Variants in CKAP4 observed in about 807,000 individuals in gnomAD.
CKAP4 encodes the protein cytoskeleton-associated protein 4.
CKAP4 carries 20 observed loss-of-function variants against 24.4 expected under a neutral mutation model. The ratio of observed to expected loss-of-function variants is 0.82; its 90% CI spans 0.58 to 1.19. CKAP4 has a LOEUF of 1.19. Among genes scored for constraint, CKAP4 ranks in the 50% most tolerant of loss-of-function variants. CKAP4 has a pLI of 0.00. For missense variants in CKAP4, 744 were observed against 765.3 expected (o/e 0.97, Z 0.33); for synonymous variants, 378 against 351.7 (o/e 1.07, Z -0.84).
At chr12:106,241,129 G>T (rs908055265) in intron 1 of CKAP4, among the ~76,000 whole-genome samples, 1 of 152,086 alleles carries the variant, frequency 6.6e-6, no homozygotes, top group African/African-American at 2.4e-5. Flanking sequence ...AGCCATTTTT[G>T]AAATAATCAA....
At chr12:106,246,122 G>A (rs2034008059) in intron 1 of CKAP4, among the ~76,000 whole-genome samples, 1 of 152,164 alleles carries the variant, frequency 6.6e-6, no homozygotes, top group African/African-American at 2.4e-5. Flanking sequence ...ACCACAGAAG[G>A]GTGGAAGCTA....
Position 106,239,649 on chromosome 12 carries a change from T to C in CKAP4, c.1184A>G (p.His395Arg). 1 of 1,614,010 alleles carries C rather than the reference T, an allele frequency of 6.2e-7. No individual in the cohort carries two copies. Among genetic ancestry groups the C allele is most frequent in the East Asian group, 2.2e-5 (1 of 44,880 alleles). The change falls in exon 2 of 2, where the codon CAC (histidine) becomes CGC (arginine). Residue 395 changes from histidine to arginine, a missense_variant. Transcript: ENST00000378026. This position sits in a 1 kb window ranked among gnomAD's most constrained non-coding sequence, Gnocchi z 4.9. ...CTGGAGTGCCTCAAAGGCTTCCGAG[T>C]GTCTGAAGCCTCCGTCCTCCTTCGG... is the stretch of plus-strand genomic sequence containing the variant. The part of the protein sequence containing the change: ...HGPKEDGGFR[H>R]SEAFEALQQK...
chr12:106,241,459 A>C (rs2033970090), intron 1 of CKAP4, among the ~76,000 whole-genome samples: 1 of 149,660 alleles, frequency 6.7e-6, no homozygotes. Context: ...CAGCCTCCCG[A>C]GTAGCTGGGA....
At position 106,239,336 on chromosome 12, in the gene CKAP4, G is replaced by A. The variant is rs763801528; in HGVS notation, c.1497C>T (p.Thr499=). 10 of 1,607,584 alleles carry A rather than the reference G, an allele frequency of 6.2e-6. No individual in the cohort carries two copies. Among genetic ancestry groups the A allele is most frequent in the African/African-American group, 1.3e-5 (1 of 75,034 alleles). ...CCTGCACCTTCTGGAGTGATTCCAC[G>A]GTGCTGGGGAGCTCGCCCACACTCC... ...LKRSVGELPS[T]VESLQKVQEQ... is the part of the protein sequence containing the mutation. Residue 499 remains threonine (T), a synonymous_variant, in exon 2 of 2, where the codon ACC becomes ACT. Coordinates refer to ENST00000378026, the MANE Select transcript of CKAP4 (RefSeq NM_006825.4). This position sits in a 1 kb window ranked among gnomAD's most constrained non-coding sequence, Gnocchi z 4.9.
chr12:106,246,076 G>A (rs550334850), intron 1 of CKAP4, among the ~76,000 whole-genome samples: 29 of 152,192 alleles, frequency 1.9e-4, no homozygotes, highest in Non-Finnish European at 3.7e-4. Context: ...AGTGGAGGGC[G>A]AATAAGATCA....
rs757231622 is a variant in CKAP4 at position 106,240,101 on chromosome 12, G to A, written c.732C>T (p.Leu244=). Residue 244 remains leucine (L), a synonymous_variant, in exon 2 of 2, where the codon CTC becomes CTT. Transcript: ENST00000378026. Reference sequence around the variant, plus strand: ...CGATGTTGTCGTTGATGGATTTGGTGAGCTCCGTCAGCCGCTCCTCCACCG... The same window carrying A: ...CGATGTTGTCGTTGATGGATTTGGTAAGCTCCGTCAGCCGCTCCTCCACCG... The part of the protein sequence containing the change: ...ENTVEERLTE[L]TKSINDNIAI... 8.1e-6 allele frequency: 13 copies of A among 1,614,052 alleles called. No individual in the cohort carries two copies. Among genetic ancestry groups the A allele is most frequent in the South Asian group, 2.2e-5 (2 of 91,082 alleles).
Position 106,247,907 on chromosome 12 carries a change from C to CGGCCCGG in CKAP4, c.-63_-57dup. On this transcript the variant is annotated 5_prime_UTR_variant, in exon 1 of 2. Coordinates refer to ENST00000378026, the MANE Select transcript of CKAP4 (RefSeq NM_006825.4). This position sits in a 1 kb window ranked among gnomAD's most constrained non-coding sequence, Gnocchi z 4.5. ...CTGGGAGGCGAGCGAGCGCGGCGCG[C>CGGCCCGG]GGCCCGGGAAACTTGCAGGGGCTCC... The CGGCCCGG allele has an allele frequency of 1.0e-6, 1 of 996,264 alleles. No individual in the cohort carries two copies. The highest frequency in any genetic ancestry group is 1.2e-6 in the Non-Finnish European group (1 of 833,624). The allele number at this position is 996,264 out of a possible 1,614,324, so 61.7% of individuals were successfully genotyped here.
chr12:106,247,714 C>CGGCGGCGGCGCG lies in CKAP4; in HGVS notation c.137_138insCGCGCCGCCGCC (p.Pro46_Pro47insAlaProProPro), dbSNP rs1310227689. On this transcript the variant is annotated inframe_insertion, in exon 1 of 2. Coordinates refer to ENST00000378026, the MANE Select transcript of CKAP4 (RefSeq NM_006825.4). The surrounding 1 kb of genome is among the most constrained non-coding windows in gnomAD (Gnocchi z 4.5). ...GGTGCTGCTGCGGGTGCGGCGCGGG[C>CGGCGGCGGCGCG]GGCGGCGGCGGCTGCTGCGGCGCCG... 6.7e-6 allele frequency: 1 copy of CGGCGGCGGCGCG among 148,534 alleles called. No individual in the cohort carries two copies. Among genetic ancestry groups the CGGCGGCGGCGCG allele is most frequent in the Non-Finnish European group, 7.7e-6 (1 of 129,360 alleles). 9.2% of individuals were successfully genotyped at this position (148,534 alleles called of 1,614,324 possible). A position where few individuals can be genotyped will look rare whatever the true frequency, so the allele number is the denominator to read the frequency against.
chr12:106,246,253 T>G (rs891085256), intron 1 of CKAP4, among the ~76,000 whole-genome samples: 2 of 152,186 alleles, frequency 1.3e-5, no homozygotes, highest in African/African-American at 2.4e-5. Flanking sequence ...CTGGGGACTT[T>G]GTCAACTCAT....
Position 106,247,787 on chromosome 12 carries a change from C to T in CKAP4, c.65G>A (p.Gly22Asp). 2 of 1,056,270 alleles carry T rather than the reference C, an allele frequency of 1.9e-6. No individual in the cohort carries two copies. Among genetic ancestry groups the T allele is most frequent in the Admixed American group, 5.6e-5 (1 of 17,940 alleles). The allele number at this position is 1,056,270 out of a possible 1,614,324, so 65.4% of individuals were successfully genotyped here. The change falls in exon 1 of 2, where the codon GGT (glycine) becomes GAT (aspartate). Residue 22 changes from glycine to aspartate, a missense_variant. Physicochemically the swap from Gly to Asp is moderately conservative, Grantham distance 94. Coordinates refer to ENST00000378026, the MANE Select transcript of CKAP4 (RefSeq NM_006825.4). The surrounding 1 kb of genome is among the most constrained non-coding windows in gnomAD (Gnocchi z 4.5). ...GHGAASPSEK[G>D]AHPSGGADDV... ...ATCCGCGCCGCCCGACGGGTGGGCA[C>T]CCTTCTCCGAGGGGCTCGCGGCGCC...
rs970921635 is a variant in CKAP4 at position 106,240,337 on chromosome 12, G to C, written c.496C>G (p.Gln166Glu). 1.2e-6 allele frequency: 2 copies of C among 1,611,816 alleles called. No individual in the cohort carries two copies. Among genetic ancestry groups the C allele is most frequent in the Non-Finnish European group, 1.7e-6 (2 of 1,178,534 alleles). ...GACTCAAAAGTTCCAAATGTGGCTT[G>C]CAAAGACTGCACCTGTAATCAAAAT... Reference protein sequence around the residue: ...QGVEQKVQSLQATFGTFESIL... With the variant: ...QGVEQKVQSLEATFGTFESIL... The change falls in exon 2 of 2, where the codon CAA becomes GAA. Residue 166 changes from glutamine to glutamate, a missense_variant. Physicochemically the swap from Gln to Glu is conservative, Grantham distance 29. Transcript: ENST00000378026.
chr12:106,246,661 G>A (rs1206058007), intron 1 of CKAP4: 1 of 152,362 alleles, frequency 6.6e-6, no homozygotes, highest in East Asian at 1.9e-4. Flanking sequence ...AGAATCGCTG[G>A]AACCTGGGAG....
intron 1 of CKAP4, among the ~76,000 whole-genome samples, chr12:106,241,768 T>A (rs905662283): frequency 2.0e-5 from 3 of 152,244 alleles, no homozygotes; most frequent in African/African-American, 7.2e-5. Context: ...ATTTTCTGGC[T>A]TCAGGACAGG....
Position 106,239,429 on chromosome 12 carries a change from C to T in CKAP4, c.1404G>A (p.Leu468=), listed in dbSNP as rs1451667474. The change falls in exon 2 of 2, where the codon CTG becomes CTA. Residue 468 remains leucine (L), a synonymous_variant. Coordinates refer to ENST00000378026, the MANE Select transcript of CKAP4 (RefSeq NM_006825.4). The surrounding 1 kb of genome is among the most constrained non-coding windows in gnomAD (Gnocchi z 4.9). ...LGSSEADQDG[L]ASTVRSLGET... is the part of the protein sequence containing the mutation. ...CGCCCAGGCTCCTCACCGTGCTGGC[C>T]AGGCCATCCTGGTCTGCCTCTGAGG... 6.2e-7 allele frequency: 1 copy of T among 1,601,668 alleles called. No homozygotes were observed.
Position 106,247,471 on chromosome 12 carries a change from G to C in CKAP4, c.381C>G (p.Val127=). Residue 127 remains valine (V), a synonymous_variant, in exon 1 of 2, where the codon GTC becomes GTG. Transcript: ENST00000378026. The surrounding 1 kb of genome is among the most constrained non-coding windows in gnomAD (Gnocchi z 4.5). The part of the protein sequence containing the change: ...VAAAAFSGWC[V]HHVLEEVQQV... ...GCTGGACCTCCTCCAGGACGTGGTGGACGCACCAGCCCGAGAAAGCGGCCG... is the reference window on the plus strand; with the variant it reads ...GCTGGACCTCCTCCAGGACGTGGTGCACGCACCAGCCCGAGAAAGCGGCCG... The C allele has an allele frequency of 6.5e-7, 1 of 1,547,610 alleles. No homozygotes were observed.
Position 106,239,832 on chromosome 12 carries a change from T to A in CKAP4, c.1001A>T (p.Glu334Val). The A allele has an allele frequency of 6.2e-7, 1 of 1,614,132 alleles. No homozygotes were observed. The highest frequency in any genetic ancestry group is 8.5e-7 in the Non-Finnish European group (1 of 1,180,008). The part of the protein sequence containing the change: ...EVRELVSLKQ[E>V]QQAFKEAADT... ...GGCCGCCTCCTTGAAAGCCTGCTGC[T>A]CCTGCTTGAGGCTCACCAGCTCGCG... The change falls in exon 2 of 2, where the codon GAG (glutamate) becomes GTG (valine). Residue 334 changes from glutamate to valine, a missense_variant. Physicochemically the swap from Glu to Val is moderately radical, Grantham distance 121. This residue lies in a region of CKAP4 where 401 missense variants were observed against 424.5 expected (regional missense o/e 0.94). Coordinates refer to ENST00000378026, the MANE Select transcript of CKAP4 (RefSeq NM_006825.4). The surrounding 1 kb of genome is among the most constrained non-coding windows in gnomAD (Gnocchi z 4.9).
In CKAP4 at chr12:106,247,826, G is replaced by T. The variant is rs1592899739; in HGVS notation, c.26C>A (p.Ser9Tyr). ...GCTCGCGGCGCCGTGGCCGCCCTTG[G>T]AGCCCCTTTGTTTGGCCGAGGGCAT... is the stretch of plus-strand genomic sequence containing the variant. MPSAKQRG[S>Y]KGGHGAASPS... The change falls in exon 1 of 2, where the codon TCC becomes TAC. Residue 9 changes from serine to tyrosine, a missense_variant. Ser to Tyr is a moderately radical substitution (Grantham distance 144). Around this residue, in one of 3 missense-constraint regions of CKAP4, gnomAD observed 300 missense variants for 264.5 expected, o/e 1.13. Coordinates refer to ENST00000378026, the MANE Select transcript of CKAP4 (RefSeq NM_006825.4). The surrounding 1 kb of genome is among the most constrained non-coding windows in gnomAD (Gnocchi z 4.5). 3 of 1,049,174 alleles carry T rather than the reference G, an allele frequency of 2.9e-6. No homozygotes were observed. Among genetic ancestry groups the T allele is most frequent in the Non-Finnish European group, 3.4e-6 (3 of 874,882 alleles). The allele number at this position is 1,049,174 out of a possible 1,614,324, so 65.0% of individuals were successfully genotyped here. A position where few individuals can be genotyped will look rare whatever the true frequency, so the allele number is the denominator to read the frequency against.
chr12:106,247,118 TCG>T lies in CKAP4; in HGVS notation c.483+249_483+250del, dbSNP rs1341421330. On this transcript the variant is annotated intron_variant, in intron 1 of 1. Coordinates refer to ENST00000378026, the MANE Select transcript of CKAP4 (RefSeq NM_006825.4). This position sits in a 1 kb window ranked among gnomAD's most constrained non-coding sequence, Gnocchi z 4.5. ...CCCTGCCAGGCGGGCCTGGGCATCC[TCG>T]CGGCGGCCCATCCCTCGGGGCCGAT... is the stretch of plus-strand genomic sequence containing the variant. 2.6e-5 allele frequency among the ~76,000 whole-genome samples: 4 copies of T among 152,102 alleles called. No homozygotes were observed. The highest frequency in any genetic ancestry group is 9.7e-5 in the African/African-American group (4 of 41,430).
chr12:106,242,085 A>G (rs1008736916), intron 1 of CKAP4, among the ~76,000 whole-genome samples: 1 of 152,244 alleles, frequency 6.6e-6, no homozygotes, highest in African/African-American at 2.4e-5. Context: ...TTCAAATCAT[A>G]ACTTTAACAC....
Sources: gnomAD v4.1 joint callset for allele counts (sites outside exome capture counted in the v4.1 genomes callset) on GRCh38, gnomAD v4.1.1 for gene constraint, gnomAD v4.1.1 regional missense constraint, Gnocchi (gnomAD v3.1) non-coding constraint, MANE v1.5 for transcripts, NCBI Gene and HGNC (gene_info 2026-07-23, HGNC 2026-07-21) for gene names.